MLH3: variants seen among roughly 807,000 people sequenced by gnomAD.
MLH3 encodes DNA mismatch repair protein Mlh3.
Under a neutral mutation model 122.2 loss-of-function variants are expected in MLH3, and 82 were observed. The observed-to-expected ratio is 0.67, with a 90% CI of 0.56 to 0.81. The LOEUF (loss-of-function observed/expected upper bound fraction) is 0.81. Ranked by LOEUF, MLH3 falls within the 30% of genes least tolerant of loss-of-function variation. The pLI is 0.00. For missense variants in MLH3, 1,539 were observed against 1,714.5 expected, an observed-to-expected ratio of 0.90 and a Z score of 1.81; for synonymous variants, 524 against 599.5, an observed-to-expected ratio of 0.87 and a Z score of 1.84.
In MLH3 at chr14:75,048,045, C is replaced by T; in HGVS notation, c.1611G>A (p.Met537Ile). 1 of 1,613,852 alleles carries T rather than the reference C, an allele frequency of 6.2e-7. No individual in the cohort carries two copies. Among genetic ancestry groups the T allele is most frequent in the Non-Finnish European group, 8.5e-7 (1 of 1,179,920 alleles). ...TATTATTTTTCAAGATGTTGGCAGC[C>T]ATGCCATTAACAGTAGTACTTTCTT... ...IWKESTTVNG[M>I]AANILKNNRI... Residue 537 changes from methionine (M) to isoleucine (I), a missense_variant, in exon 2 of 13, where the codon ATG becomes ATA. Met to Ile is a conservative substitution (Grantham distance 10, BLOSUM62 1). Transcript: ENST00000355774.
At chr14:75,029,931 G>A (rs1890926364) in intron 9 of MLH3, among the ~76,000 whole-genome samples, 1 of 151,900 alleles carries the variant, frequency 6.6e-6, no homozygotes, top group Non-Finnish European at 1.5e-5. Flanking sequence ...GGGATTGCTT[G>A]AGGCCAGAAG....
chr14:75,026,350 T>C (rs1595041110), intron 9 of MLH3, among the ~76,000 whole-genome samples: 1 of 152,090 alleles, frequency 6.6e-6, no homozygotes, highest in Non-Finnish European at 1.5e-5. Context: ...AATATAGCCA[T>C]TGAAATAAAA....
intron 2 of MLH3, 57 bp downstream of exon 2, chr14:75,046,319 T>C (rs1011426297): frequency 1.2e-4 from 183 of 1,560,376 alleles, no homozygotes; most frequent in Non-Finnish European, 1.5e-4. Context: ...ATCTTACTCC[T>C]TGTCCAGCAT....
rs1238402410 is a variant in MLH3, at chr14:75,016,783, T to C, written c.*299A>G. On this transcript the variant is annotated 3_prime_UTR_variant, in exon 13 of 13. Transcript: ENST00000355774. ...TTCAAATAACAAACCAAGCAACCAA[T>C]CAAACTGTCATTAAATTTTATCATT... 9.0e-6 allele frequency: 3 copies of C among 332,368 alleles called. No homozygotes were observed. Among genetic ancestry groups the C allele is most frequent in the African/African-American group, 2.1e-5 (1 of 47,260 alleles). 20.6% of individuals were successfully genotyped at this position (332,368 alleles called of 1,614,324 possible).
At chr14:75,027,515 C>A (rs1389024237) in intron 9 of MLH3, among the ~76,000 whole-genome samples, 1 of 151,996 alleles carries the variant, frequency 6.6e-6, no homozygotes, top group Non-Finnish European at 1.5e-5. Flanking sequence ...CCCGCCTTGG[C>A]CTCCCAAAGT....
Position 75,042,433 on chromosome 14 carries a change from GA to G in MLH3, c.3324del (p.Pro1109LeufsTer12). On this transcript the variant is annotated frameshift_variant, in exon 3 of 13. Transcript: ENST00000355774. LOFTEE classifies it high-confidence loss of function. The part of the protein sequence containing the change: ...RCQPFRSDLV[L>X]PFLPRARAER... Reference sequence around the variant, plus strand: ...TCTGCTCGAGCTCTCGGAAGGAAAGGAAGAACAAGGTCGCTTCTAAAAGGTT... The same window carrying G: ...TCTGCTCGAGCTCTCGGAAGGAAAGGAGAACAAGGTCGCTTCTAAAAGGTT... 1 of 1,614,194 alleles carries G rather than the reference GA, an allele frequency of 6.2e-7. No homozygotes were observed. The highest frequency in any genetic ancestry group is 8.5e-7 in the Non-Finnish European group (1 of 1,180,030).
At chr14:75,040,100 C>T (rs539174599) in intron 4 of MLH3, 85 bp from the exon 5 acceptor site, 3 of 702,792 alleles carry the variant, frequency 4.3e-6, no homozygotes, top group East Asian at 6.9e-5. Context: ...GCTTTAAAAG[C>T]ATTCATTTTT....
chr14:75,034,441 T>C (rs1891252637), intron 6 of MLH3, among the ~76,000 whole-genome samples: 1 of 152,148 alleles, frequency 6.6e-6, no homozygotes, highest in Non-Finnish European at 1.5e-5. Flanking sequence ...TCATAAATAT[T>C]TTAGGCTTTT....
intron 5 of MLH3, 47 bp downstream of exon 5, chr14:75,039,864 T>C (rs755551306): frequency 9.7e-6 from 2 of 205,956 alleles, no homozygotes; most frequent in Non-Finnish European, 1.8e-5. Flanking sequence ...TATATATATA[T>C]ATATATATAT....
At chr14:75,033,543 C>G in intron 6 of MLH3, 53 bp from the exon 7 acceptor site, 1 of 1,394,436 alleles carries the variant, frequency 7.2e-7, no homozygotes, top group Non-Finnish European at 1.0e-6. Context: ...CGACAACCAT[C>G]ATGTGTGTTG....
intron 1 of MLH3, 114 bp downstream of exon 1, chr14:75,051,266 C>G (rs1234341767): frequency 6.6e-6 from 1 of 152,276 alleles, no homozygotes; most frequent in African/African-American, 2.4e-5. Context: ...GCCGGGCCTC[C>G]GGGGCCCTCG....
intron 8 of MLH3, among the ~76,000 whole-genome samples, chr14:75,031,282 G>T (rs536604767): frequency 8.1e-4 from 124 of 152,184 alleles, no homozygotes; most frequent in Admixed American, 3.1e-3. Context: ...TATATGATTC[G>T]CCCCTTCCTT....
At chr14:75,024,915 G>A (rs1026430985) in intron 9 of MLH3, among the ~76,000 whole-genome samples, 1 of 152,162 alleles carries the variant, frequency 6.6e-6, no homozygotes, top group Non-Finnish European at 1.5e-5. Context: ...TTTGGATTTA[G>A]GACAATTTGG....
In MLH3 at chr14:75,039,846, CATATATATATATATATATATATAT is replaced by C. The variant is rs145063005; in HGVS notation, c.3570+41_3570+64del. 61 of 322,204 alleles carry C rather than the reference CATATATATATATATATATATATAT, an allele frequency of 1.9e-4. 11 individuals carry two copies. The highest frequency in any genetic ancestry group is 5.7e-4 in the African/African-American group (16 of 28,232). The allele number at this position is 322,204 out of a possible 1,614,324, so 20.0% of individuals were successfully genotyped here. On this transcript the variant is annotated intron_variant, in intron 5 of 12. Transcript: ENST00000355774. ...AAATCAAATTTTAGAAGAGTTAGGC[CATATATATATATATATATATATAT>C]ATATATATATATTTATGAGATTTTG...
intron 9 of MLH3, 105 bp downstream of exon 9, chr14:75,030,438 A>T: frequency 8.5e-7 from 1 of 1,173,946 alleles, no homozygotes; most frequent in Non-Finnish European, 1.3e-6. Context: ...GCAGGTAAAT[A>T]CCATGAATAC....
rs778414174 is a variant in MLH3, at chr14:75,046,589, T to C, written c.3067A>G (p.Ser1023Gly). ...TGDQNGICFQ[S>G]EESKARACSE... ...CAAGCTCTTGCTTTAGATTCCTCAC[T>C]CTGAAAACAAATTCCATTTTGGTCA... Residue 1023 changes from serine to glycine, a missense_variant, in exon 2 of 13, where the codon AGT (serine) becomes GGT (glycine). Ser to Gly is a moderately conservative substitution (Grantham distance 56, BLOSUM62 0). Transcript: ENST00000355774. 3 of 1,614,208 alleles carry C rather than the reference T, an allele frequency of 1.9e-6. No individual in the cohort carries two copies. The highest frequency in any genetic ancestry group is 1.7e-5 in the Admixed American group (1 of 60,032).
Position 75,048,093 on chromosome 14 carries a change from A to G in MLH3, c.1563T>C (p.Ser521=). The change falls in exon 2 of 13, where the codon AGT becomes AGC. Residue 521 remains serine (S), a synonymous_variant. Coordinates refer to ENST00000355774, the MANE Select transcript of MLH3 (RefSeq NM_001040108.2). ...CTTTCCATATTTCTAGATCCTGCCC[A>G]CTCTCCTCAAAGTGACATGGTGTCT... ...PFQTPCHFEE[S]GQDLEIWKES... is the part of the protein sequence containing the mutation. The G allele has an allele frequency of 3.1e-6, 5 of 1,614,100 alleles. No homozygotes were observed. In the Middle Eastern group the frequency reaches 6.6e-4, roughly 213 times the overall value.
chr14:75,047,842 G>A lies in MLH3; in HGVS notation c.1814C>T (p.Ser605Phe), dbSNP rs1892361991. 4 of 1,613,142 alleles carry A rather than the reference G, an allele frequency of 2.5e-6. No individual in the cohort carries two copies. The highest frequency in any genetic ancestry group is 3.4e-6 in the Non-Finnish European group (4 of 1,179,784). The change falls in exon 2 of 13, where the codon TCC becomes TTC. Residue 605 changes from serine (S) to phenylalanine (F), a missense_variant. Physicochemically the swap from Ser to Phe is radical, Grantham distance 155 (BLOSUM62 -2). Transcript: ENST00000355774. ...TACTACATGAGTTATAAAGCCAGTG[G>A]AACATAATTTAACTCGCCCATAACT... ...VFSYGRVKLC[S>F]TGFITHVVQN...
intron 6 of MLH3, among the ~76,000 whole-genome samples, chr14:75,035,062 C>CAAAAAAAAAAAA (rs36096670): frequency 2.5e-5 from 1 of 40,250 alleles, no homozygotes; most frequent in Non-Finnish European, 4.2e-5. Context: ...GACTCCATCT[C>CAAAAAAAAAAAA]AAAAAAAAAA....
Sources: gnomAD v4.1 joint callset for allele counts (sites outside exome capture counted in the v4.1 genomes callset) on GRCh38, gnomAD v4.1.1 for gene constraint, MANE v1.5 for transcripts, NCBI Gene and HGNC (gene_info 2026-07-23, HGNC 2026-07-21) for gene names.